Variants in ZSWIM2 observed in about 807,000 individuals in gnomAD.
ZSWIM2 encodes E3 ubiquitin-protein ligase ZSWIM2.
Under a neutral mutation model 48.4 loss-of-function variants are expected in ZSWIM2, and 38 were observed. The ratio of observed to expected loss-of-function variants is 0.79; its 90% CI spans 0.61 to 1.03. ZSWIM2 has a LOEUF of 1.03. Ranked by LOEUF, ZSWIM2 falls within the 50% of genes least tolerant of loss-of-function variation. ZSWIM2 has a pLI of 0.00. For missense variants in ZSWIM2, 776 were observed against 730.2 expected (o/e 1.06, Z -0.72); for synonymous variants, 240 against 251.3 (o/e 0.96, Z 0.42).
intron 3 of ZSWIM2, among the ~76,000 whole-genome samples, chr2:186,843,678 G>A (rs1290944233): frequency 1.3e-5 from 2 of 151,514 alleles, no homozygotes; most frequent in Non-Finnish European, 3.0e-5. Context: ...AGCACAGATG[G>A]AGAAATCAGT....
rs1414129124 is a variant in ZSWIM2, at chr2:186,828,066, T to C, written c.1820A>G (p.His607Arg). 3.7e-6 allele frequency: 6 copies of C among 1,613,270 alleles called. No individual in the cohort carries two copies. In the African/African-American group the frequency reaches 4.0e-5, roughly 11 times the overall value. The change falls in exon 9 of 9, where the codon CAT (histidine) becomes CGT (arginine). Residue 607 changes from histidine to arginine, a missense_variant. Coordinates refer to ENST00000295131, the MANE Select transcript of ZSWIM2 (RefSeq NM_182521.3). ...GTGAGACACAGGCTGTCTTGATAGA[T>C]GACTACATTTTCGTGTAATTTCCCC... Reference protein sequence around the residue: ...CMGEITRKCSHLSRQPVSHSV... With the variant: ...CMGEITRKCSRLSRQPVSHSV...
intron 2 of ZSWIM2, among the ~76,000 whole-genome samples, chr2:186,846,931 A>G (rs1692014405): frequency 6.6e-6 from 1 of 151,900 alleles, no homozygotes; most frequent in Admixed American, 6.6e-5. Context: ...CGGAAATAGA[A>G]AGTCAAATAC....
intron 2 of ZSWIM2, among the ~76,000 whole-genome samples, chr2:186,846,070 T>G: frequency 6.6e-6 from 1 of 151,828 alleles, no homozygotes; most frequent in Admixed American, 6.6e-5. Context: ...GACATTGGCC[T>G]GGGCAAAGAA....
intron 4 of ZSWIM2, 75 bp from the exon 5 acceptor site, chr2:186,837,629 T>TTA (rs370016617): frequency 2.2e-5 from 8 of 359,356 alleles, no homozygotes; most frequent in South Asian, 1.1e-4. Flanking sequence ...TATATATATA[T>TTA]TATATATATA....
At chr2:186,846,096 T>G (rs1691994665) in intron 2 of ZSWIM2, among the ~76,000 whole-genome samples, 1 of 151,710 alleles carries the variant, frequency 6.6e-6, no homozygotes, top group African/African-American at 2.4e-5. Context: ...GATCAAGTCT[T>G]CATAAGAAAA....
At chr2:186,830,252 G>A (rs1041943827) in intron 7 of ZSWIM2, among the ~76,000 whole-genome samples, 1 of 152,000 alleles carries the variant, frequency 6.6e-6, no homozygotes, top group Non-Finnish European at 1.5e-5. Context: ...CATGGTGGCA[G>A]GTGCCTGTAA....
intron 2 of ZSWIM2, 44 bp from the exon 3 acceptor site, chr2:186,844,801 G>T: frequency 1.4e-6 from 2 of 1,470,926 alleles, no homozygotes; most frequent in Non-Finnish European, 1.8e-6. Flanking sequence ...TTTATTTTTG[G>T]CATAAACTCA....
intron 3 of ZSWIM2, among the ~76,000 whole-genome samples, chr2:186,840,224 T>TA (rs889783203): frequency 6.6e-6 from 1 of 151,486 alleles, no homozygotes; most frequent in African/African-American, 2.4e-5. Context: ...ATCTGCTCTC[T>TA]AAAAAAGGAG....
chr2:186,845,279 A>G (rs1033409224), intron 2 of ZSWIM2, among the ~76,000 whole-genome samples: 18 of 151,582 alleles, frequency 1.2e-4, no homozygotes, highest in Admixed American at 9.2e-4. Context: ...ACTTTAGTAT[A>G]TGAAGCACTT....
intron 3 of ZSWIM2, 102 bp from the exon 4 acceptor site, chr2:186,839,271 G>A (rs1269315296): frequency 9.3e-7 from 1 of 1,076,556 alleles, no homozygotes; most frequent in Non-Finnish European, 1.3e-6. Flanking sequence ...AAATATCAGA[G>A]AGACAGTTTT....
intron 3 of ZSWIM2, among the ~76,000 whole-genome samples, chr2:186,840,735 T>C (rs1431785911): frequency 6.6e-6 from 1 of 151,182 alleles, no homozygotes; most frequent in Non-Finnish European, 1.5e-5. Flanking sequence ...ATTGATACTA[T>C]GGAAGAAAGA....
intron 3 of ZSWIM2, among the ~76,000 whole-genome samples, chr2:186,840,112 T>A (rs1325386418): frequency 6.6e-6 from 1 of 151,594 alleles, no homozygotes; most frequent in Non-Finnish European, 1.5e-5. Context: ...AAATCGCAGT[T>A]CCCTGTCAGA....
chr2:186,837,607 C>A, intron 4 of ZSWIM2, 53 bp from the exon 5 acceptor site: 4 of 918,492 alleles, frequency 4.4e-6, no homozygotes, highest in African/African-American at 2.3e-5. Flanking sequence ...TTTTACATAT[C>A]CATTGTATAT....
chr2:186,836,210 A>G (rs558520726), intron 5 of ZSWIM2, among the ~76,000 whole-genome samples: 101 of 151,800 alleles, frequency 6.7e-4, no homozygotes, highest in Non-Finnish European at 1.3e-3. Flanking sequence ...GGTCCTATCC[A>G]CCCCTCTTGA....
chr2:186,838,964 A>G lies in ZSWIM2; in HGVS notation c.489T>C (p.Phe163=), dbSNP rs528183142. The G allele has an allele frequency of 6.2e-7, 1 of 1,606,458 alleles. No homozygotes were observed. Among genetic ancestry groups the G allele is most frequent in the Admixed American group, 1.7e-5 (1 of 59,286 alleles). Residue 163 remains phenylalanine (F), a synonymous_variant, in exon 4 of 9, where the codon TTT becomes TTC. Transcript: ENST00000295131. ...LLLEKKLPVT[F]CRFGCGNSIH... ...CTAAAGAAAAAGTACATCACCTGCA[A>G]AAGGTGACAGGAAGCTTTTTCTCTA...
At position 186,844,749 on chromosome 2, in the gene ZSWIM2, A is replaced by G. The variant is rs1356402432; in HGVS notation, c.251T>C (p.Leu84Ser). The G allele has an allele frequency of 5.1e-6, 8 of 1,565,390 alleles. No homozygotes were observed. Among genetic ancestry groups the G allele is most frequent in the Non-Finnish European group, 5.2e-6 (6 of 1,160,952 alleles). The change falls in exon 3 of 9, where the codon TTG becomes TCG. Residue 84 changes from leucine to serine, a missense_variant. Transcript: ENST00000295131. ...ELCKHICWVLLKKFKLPRNHE... is the reference protein window; with the variant it reads ...ELCKHICWVLSKKFKLPRNHE... Reference sequence around the variant, plus strand: ...GTTCCTTGGAAGCTTGAATTTTTTCAACAAGACCCTAACATTCACAAGTAG... The same window carrying G: ...GTTCCTTGGAAGCTTGAATTTTTTCGACAAGACCCTAACATTCACAAGTAG...
At position 186,838,915 on chromosome 2, in the gene ZSWIM2, G is replaced by T. The variant is rs564064509; in HGVS notation, c.494+44C>A. The T allele has an allele frequency of 2.6e-6, 4 of 1,549,088 alleles. No individual in the cohort carries two copies. The South Asian group carries it at 3.6e-5, about 14-fold the overall frequency. On this transcript the variant is annotated intron_variant, in intron 4 of 8. Coordinates refer to ENST00000295131, the MANE Select transcript of ZSWIM2 (RefSeq NM_182521.3). ...GGTAATAAATCAGAAATATGTTTTA[G>T]AATTTTTAATTAGTTTTAAGAATCT... is the stretch of plus-strand genomic sequence containing the variant.
chr2:186,836,335 T>G (rs1455821975), intron 5 of ZSWIM2, among the ~76,000 whole-genome samples: 1 of 152,136 alleles, frequency 6.6e-6, no homozygotes, highest in Non-Finnish European at 1.5e-5. Context: ...TTATTAAAAA[T>G]TTATAAAAAT....
chr2:186,831,067 T>A (rs754035558), intron 7 of ZSWIM2, among the ~76,000 whole-genome samples: 12 of 152,206 alleles, frequency 7.9e-5, no homozygotes, highest in Non-Finnish European at 1.2e-4. Flanking sequence ...ATTCTCTTAC[T>A]TATTCCATTT....
Sources: gnomAD v4.1 joint callset for allele counts (sites outside exome capture counted in the v4.1 genomes callset) on GRCh38, gnomAD v4.1.1 for gene constraint, MANE v1.5 for transcripts, NCBI Gene and HGNC (gene_info 2026-07-23, HGNC 2026-07-21) for gene names.